The following SUGCT variants were observed in gnomAD, a reference collection of about 807,000 sequenced individuals.
The protein encoded by SUGCT is succinyl-CoA:glutarate-CoA transferase.
In SUGCT, 41 loss-of-function variants were observed where a neutral mutation model predicts 55.0. The ratio of observed to expected loss-of-function variants is 0.74; its 90% CI spans 0.58 to 0.97. The LOEUF (loss-of-function observed/expected upper bound fraction) is 0.97. Among genes scored for constraint, SUGCT ranks in the 50% least tolerant of loss-of-function variants. The pLI, the probability that SUGCT is intolerant of heterozygous loss-of-function variation, is 0.00. For missense variants in SUGCT, 568 were observed against 547.8 expected (o/e 1.04, Z -0.37); for synonymous variants, 187 against 200.4 (o/e 0.93, Z 0.56).
chr7:40,751,039 CAAAG>C (rs1317115981), intron 13 of SUGCT, among the ~76,000 whole-genome samples: 1 of 152,046 alleles, frequency 6.6e-6, no homozygotes, highest in African/African-American at 2.4e-5. Flanking sequence ...GTCATAAGTG[CAAAG>C]AAAGAAAGAA....
At chr7:40,853,661 A>G (rs1793974137) in intron 13 of SUGCT, among the ~76,000 whole-genome samples, 1 of 152,176 alleles carries the variant, frequency 6.6e-6, no homozygotes, top group African/African-American at 2.4e-5. Flanking sequence ...CACCACACCC[A>G]GCCTGATATA....
chr7:40,695,704 T>G (rs1210080660), intron 12 of SUGCT, among the ~76,000 whole-genome samples: 1 of 152,178 alleles, frequency 6.6e-6, no homozygotes, highest in Non-Finnish European at 1.5e-5. Flanking sequence ...CAGAATTTTT[T>G]AGTGTTGGCA....
At chr7:40,956,817 G>A in the SUGCT span, among the ~76,000 whole-genome samples, 50,472 of 151,910 alleles carry the variant, frequency 0.33, 9,113 homozygotes, top group Admixed American at 0.45. Context: ...GGTACATTGT[G>A]TCTTTGTTCT....
chr7:40,193,429 C>T (rs1211915322), intron 5 of SUGCT, among the ~76,000 whole-genome samples: 1 of 151,612 alleles, frequency 6.6e-6, no homozygotes, highest in Middle Eastern at 3.2e-3. Context: ...AGACTACAGG[C>T]ACGTGCCACC....
intron 6 of SUGCT, among the ~76,000 whole-genome samples, chr7:40,226,558 A>T (rs1481013709): frequency 6.6e-6 from 1 of 152,134 alleles, no homozygotes; most frequent in Non-Finnish European, 1.5e-5. Context: ...AAAGTGGCTA[A>T]GAAGAATCTT....
chr7:40,290,690 A>G (rs937722089), intron 8 of SUGCT, among the ~76,000 whole-genome samples: 2 of 152,190 alleles, frequency 1.3e-5, no homozygotes, highest in African/African-American at 2.4e-5. Flanking sequence ...CTGCACAGCA[A>G]AAGAAACTAC....
At chr7:40,599,639 A>C (rs1401890161) in intron 12 of SUGCT, among the ~76,000 whole-genome samples, 2 of 152,108 alleles carry the variant, frequency 1.3e-5, no homozygotes, top group Non-Finnish European at 2.9e-5. Context: ...CTTAAAACCC[A>C]ATTGCTTTTG....
the SUGCT span, among the ~76,000 whole-genome samples, chr7:40,949,356 C>A: frequency 6.6e-6 from 1 of 152,164 alleles, no homozygotes; most frequent in South Asian, 2.1e-4. Context: ...TGGATATTAG[C>A]CCTTTGTCAG....
At chr7:40,227,361 C>T (rs2150846060) in intron 6 of SUGCT, among the ~76,000 whole-genome samples, 1 of 151,998 alleles carries the variant, frequency 6.6e-6, no homozygotes, top group East Asian at 1.9e-4. Context: ...GTATAATAGA[C>T]CTTGAGATCT....
chr7:40,587,587 T>C (rs970910407), intron 12 of SUGCT, among the ~76,000 whole-genome samples: 1 of 152,192 alleles, frequency 6.6e-6, no homozygotes, highest in African/African-American at 2.4e-5. Context: ...TTATTCAATT[T>C]AGTGTTTATT....
At chr7:40,575,021 G>A (rs190269611) in intron 12 of SUGCT, among the ~76,000 whole-genome samples, 208 of 151,248 alleles carry the variant, frequency 1.4e-3, no homozygotes, top group African/African-American at 4.9e-3. Flanking sequence ...CCCCTCCATC[G>A]CACTGCCTCT....
chr7:40,963,365 C>A, the SUGCT span, among the ~76,000 whole-genome samples: 1 of 152,112 alleles, frequency 6.6e-6, no homozygotes, highest in South Asian at 2.1e-4. Flanking sequence ...TTACTAGTCC[C>A]AATTTTTAGT....
chr7:40,194,906 T>G (rs1786154047), intron 5 of SUGCT, 34 bp from the exon 6 acceptor site: 1 of 1,600,176 alleles, frequency 6.2e-7, no homozygotes, highest in South Asian at 1.1e-5. Context: ...ATTTGTTGAG[T>G]GGAAGTCTGA....
At chr7:40,877,392 G>A in the SUGCT span, among the ~76,000 whole-genome samples, 115 of 152,224 alleles carry the variant, frequency 7.6e-4, no homozygotes, top group African/African-American at 2.4e-3. Flanking sequence ...GCATTTTTTA[G>A]ACTTCACCAG....
chr7:40,186,591 G>T (rs1785525846), intron 3 of SUGCT, among the ~76,000 whole-genome samples: 1 of 152,082 alleles, frequency 6.6e-6, no homozygotes, highest in South Asian at 2.1e-4. Context: ...TATTAGATGA[G>T]ATTATTTTTA....
intron 7 of SUGCT, among the ~76,000 whole-genome samples, chr7:40,266,115 C>T (rs958000177): frequency 1.8e-4 from 27 of 151,426 alleles, no homozygotes; most frequent in Non-Finnish European, 3.4e-4. Flanking sequence ...GAAGGAATTT[C>T]AGGTTTTACT....
intron 12 of SUGCT, among the ~76,000 whole-genome samples, chr7:40,744,884 C>G (rs1787652336): frequency 6.6e-6 from 1 of 152,160 alleles, no homozygotes. Context: ...AACAAATCAC[C>G]AACTTCTTTC....
chr7:40,202,228 C>T (rs1404695366), intron 6 of SUGCT, among the ~76,000 whole-genome samples: 1 of 152,188 alleles, frequency 6.6e-6, no homozygotes, highest in Admixed American at 6.5e-5. Flanking sequence ...CTGCATCGGC[C>T]TCCCAAAGTG....
rs552471297 is a variant in SUGCT, at chr7:40,505,399, T to C, written c.1089+9013T>C. ...TTTACATCTGCCATTTTGCTTTATG[T>C]TTTCTATGTGTCTTATGTCTTTTTT... On this transcript the variant is annotated intron_variant, in intron 12 of 13. Coordinates refer to ENST00000335693, the MANE Select transcript of SUGCT (RefSeq NM_001193313.2). 2.0e-4 allele frequency among the ~76,000 whole-genome samples: 31 copies of C among 152,264 alleles called. No homozygotes were observed. The East Asian group carries it at 5.6e-3, about 27-fold the overall frequency.
Sources: allele counts gnomAD v4.1 joint callset (sites outside exome capture counted in the v4.1 genomes callset), GRCh38; gene constraint gnomAD v4.1.1; transcripts MANE v1.5; gene names NCBI Gene and HGNC (gene_info 2026-07-23, HGNC 2026-07-21).